PCBP3: variants seen among roughly 807,000 people sequenced by gnomAD.
The protein encoded by PCBP3 is poly(rC) binding protein 3.
A neutral mutation model predicts 52.7 loss-of-function variants in PCBP3; 25 were observed. That is an observed-to-expected ratio of 0.47 (90% CI 0.35 to 0.66). The LOEUF (loss-of-function observed/expected upper bound fraction) is 0.66, where lower values mean the gene tolerates loss of function less well. PCBP3 is among the 30% of genes least tolerant of loss of function. The pLI is 0.01. For missense variants in PCBP3, 391 were observed against 490.3 expected (o/e 0.80, Z 1.91); for synonymous variants, 162 against 183.0 (o/e 0.89, Z 0.93).
At chr21:45,876,806 G>C (rs1422885643) in intron 5 of PCBP3, among the ~76,000 whole-genome samples, 3 of 152,260 alleles carry the variant, frequency 2.0e-5, no homozygotes, top group Non-Finnish European at 2.9e-5. Flanking sequence ...ACATCCCCCA[G>C]ACAGCTGAGG....
At chr21:45,691,476 G>A (rs112540586) in intron 2 of PCBP3, among the ~76,000 whole-genome samples, 56 of 129,196 alleles carry the variant, frequency 4.3e-4, no homozygotes, top group East Asian at 3.9e-3. Context: ...GTGTGTGTGT[G>A]TATATACATC....
rs2093395348 is a variant in PCBP3, at chr21:45,829,570, C to T, written c.-125-20391C>T. On this transcript the variant is annotated intron_variant, in intron 4 of 17. Coordinates refer to ENST00000681687, the MANE Select transcript of PCBP3 (RefSeq NM_001384156.1). The surrounding 1 kb of genome is among the most constrained non-coding windows in gnomAD (Gnocchi z 5.2). Reference sequence around the variant, plus strand: ...TACCAGGACGGTTCTTTTAGACACTCGTAAGAAGCCAAGCCACAGGAAGCT... The same window carrying T: ...TACCAGGACGGTTCTTTTAGACACTTGTAAGAAGCCAAGCCACAGGAAGCT... 1.3e-5 allele frequency: 2 copies of T among 152,222 alleles called. No homozygotes were observed. The highest frequency in any genetic ancestry group is 2.1e-4 in the South Asian group (1 of 4,834). 9.4% of individuals were successfully genotyped at this position (152,222 alleles called of 1,614,324 possible). A position where few individuals can be genotyped will look rare whatever the true frequency, so the allele number is the denominator to read the frequency against.
intron 2 of PCBP3, among the ~76,000 whole-genome samples, chr21:45,687,699 T>G (rs181963366): frequency 9.9e-5 from 15 of 151,364 alleles, no homozygotes; most frequent in Admixed American, 8.6e-4. Context: ...AGATATACCA[T>G]GCAAAGACTA....
chr21:45,786,670 C>A (rs1387582725), intron 4 of PCBP3, among the ~76,000 whole-genome samples: 1 of 152,160 alleles, frequency 6.6e-6, no homozygotes, highest in Non-Finnish European at 1.5e-5. Flanking sequence ...AAGAGAATTA[C>A]ATATATTGCT....
chr21:45,836,594 C>T (rs921906870), intron 4 of PCBP3, among the ~76,000 whole-genome samples: 2 of 151,766 alleles, frequency 1.3e-5, no homozygotes, highest in Admixed American at 6.6e-5. Context: ...GCATATGACA[C>T]GTACGTAACG....
chr21:45,931,339 C>T (rs1049553709), intron 15 of PCBP3, among the ~76,000 whole-genome samples: 1 of 152,266 alleles, frequency 6.6e-6, no homozygotes, highest in Non-Finnish European at 1.5e-5. Context: ...CACACACGCA[C>T]CACACCTTGT....
intron 4 of PCBP3, among the ~76,000 whole-genome samples, chr21:45,814,330 G>C (rs1001496774): frequency 6.7e-6 from 1 of 149,802 alleles, no homozygotes; most frequent in Non-Finnish European, 1.5e-5. Context: ...GGTGAGTGGT[G>C]AGCTAGTGAG....
chr21:45,678,607 G>GAAGAATTC (rs1569107774), intron 2 of PCBP3, among the ~76,000 whole-genome samples: 13 of 151,744 alleles, frequency 8.6e-5, no homozygotes, highest in Non-Finnish European at 1.3e-4. Context: ...ATTAGAAGTG[G>GAAGAATTC]AGCCTGAAGA....
intron 5 of PCBP3, among the ~76,000 whole-genome samples, chr21:45,874,438 G>C (rs1467108612): frequency 6.6e-6 from 1 of 150,550 alleles, no homozygotes; most frequent in Non-Finnish European, 1.5e-5. Flanking sequence ...CACATCTTTT[G>C]TTGGGTCTAT....
rs572420457 is a variant in PCBP3, at chr21:45,938,293, C to T, written c.910-1737C>T. On this transcript the variant is annotated intron_variant, in intron 16 of 17. Coordinates refer to ENST00000681687, the MANE Select transcript of PCBP3 (RefSeq NM_001384156.1). The stretch of plus-strand genomic sequence containing the variant: ...AAAGTGTTAGGGAGGAAAGCGGCTG[C>T]GTGCTGGCCAAGGAGGGGTATAGGA... Among the ~76,000 whole-genome samples, 11 of 152,332 alleles carry T rather than the reference C, an allele frequency of 7.2e-5. No individual in the cohort carries two copies. In the East Asian group the frequency reaches 1.5e-3, roughly 21 times the overall value.
intron 5 of PCBP3, among the ~76,000 whole-genome samples, chr21:45,867,036 A>G (rs946065980): frequency 1.3e-5 from 2 of 152,254 alleles, no homozygotes; most frequent in African/African-American, 4.8e-5. Context: ...AAGACTATTC[A>G]GTGAAAGACA....
At chr21:45,923,543 G>A (rs889487097) in intron 13 of PCBP3, among the ~76,000 whole-genome samples, 2 of 152,138 alleles carry the variant, frequency 1.3e-5, no homozygotes, top group East Asian at 1.9e-4. Context: ...TTCTCAGAAC[G>A]AGACTTTGCA....
chr21:45,835,793 C>G (rs1372605608), intron 4 of PCBP3, among the ~76,000 whole-genome samples: 1 of 152,074 alleles, frequency 6.6e-6, no homozygotes, highest in Admixed American at 6.5e-5. Flanking sequence ...GACAGGCAGA[C>G]CCTGGGCCCA....
At chr21:45,738,411 C>T (rs1034917877) in intron 3 of PCBP3, among the ~76,000 whole-genome samples, 2 of 151,910 alleles carry the variant, frequency 1.3e-5, no homozygotes, top group African/African-American at 2.4e-5. Flanking sequence ...CCCGCCACCA[C>T]GCCCAGCTAA....
intron 1 of PCBP3, among the ~76,000 whole-genome samples, chr21:45,646,091 C>CTCTCTT (rs2079260828): frequency 1.2e-4 from 10 of 82,840 alleles, no homozygotes; most frequent in Admixed American, 3.1e-4. Flanking sequence ...CTTTCTCTCT[C>CTCTCTT]TCTCTCTCTC....
intron 4 of PCBP3, among the ~76,000 whole-genome samples, chr21:45,822,162 G>A (rs2093159655): frequency 2.0e-5 from 3 of 152,108 alleles, no homozygotes. Context: ...TTGCTCGTTT[G>A]ACCCTTTTGA....
At chr21:45,831,709 G>GTTAC (rs1259664021) in intron 4 of PCBP3, among the ~76,000 whole-genome samples, 1 of 152,026 alleles carries the variant, frequency 6.6e-6, no homozygotes, top group Admixed American at 6.6e-5. Context: ...AAGCAAGTTA[G>GTTAC]TTAGTTAGTT....
chr21:45,846,421 TTTTG>T (rs2148113740), intron 4 of PCBP3, among the ~76,000 whole-genome samples: 1 of 150,534 alleles, frequency 6.6e-6, no homozygotes, highest in East Asian at 1.9e-4. Flanking sequence ...CAAGCTAGTT[TTTTG>T]TTTGTTTTTT....
intron 5 of PCBP3, among the ~76,000 whole-genome samples, chr21:45,892,991 C>A (rs1457646772): frequency 6.6e-6 from 1 of 151,340 alleles, no homozygotes; most frequent in Non-Finnish European, 1.5e-5. Flanking sequence ...GGGAGGGAGT[C>A]CTGGAGAGGG....
Sources: gnomAD v4.1 joint callset for allele counts (sites outside exome capture counted in the v4.1 genomes callset) on GRCh38, gnomAD v4.1.1 for gene constraint, Gnocchi (gnomAD v3.1) non-coding constraint, MANE v1.5 for transcripts, NCBI Gene and HGNC (gene_info 2026-07-23, HGNC 2026-07-21) for gene names.